Variants in PHACTR3 observed in about 807,000 individuals in gnomAD.
PHACTR3 encodes the protein protein phosphatase 1, regulatory subunit 123.
A neutral mutation model predicts 66.8 loss-of-function variants in PHACTR3; 16 were observed. That is an observed-to-expected ratio of 0.24 (90% CI 0.16 to 0.36). The LOEUF is 0.36. Among genes scored for constraint, PHACTR3 ranks in the 10% least tolerant of loss-of-function variants. PHACTR3 has a pLI of 1.00. For synonymous variants in PHACTR3, 323 were observed against 292.1 expected (o/e 1.11, Z -1.08); for missense variants, 647 against 719.9 (o/e 0.90, Z 1.16).
chr20:59,824,714 C>T (rs577281158), intron 8 of PHACTR3, among the ~76,000 whole-genome samples: 7 of 152,330 alleles, frequency 4.6e-5, no homozygotes, highest in Admixed American at 4.6e-4. Context: ...AGAATATATG[C>T]ATCTGTCATT....
chr20:59,840,920 A>C (rs1457241397), intron 10 of PHACTR3, among the ~76,000 whole-genome samples: 2 of 152,188 alleles, frequency 1.3e-5, no homozygotes, highest in South Asian at 4.1e-4. Context: ...CAACTCTATA[A>C]ATCTTAATCT....
chr20:59,720,823 G>A (rs986441241), intron 1 of PHACTR3, among the ~76,000 whole-genome samples: 2 of 152,158 alleles, frequency 1.3e-5, no homozygotes, highest in Admixed American at 6.5e-5. Flanking sequence ...ATTTGCTTTC[G>A]GAAGGGAACA....
intron 1 of PHACTR3, among the ~76,000 whole-genome samples, chr20:59,630,954 A>C (rs954774946): frequency 1.3e-5 from 2 of 152,150 alleles, no homozygotes; most frequent in African/African-American, 2.4e-5. Flanking sequence ...TAAAACGTTC[A>C]TGAAGAAGGG....
intron 3 of PHACTR3, among the ~76,000 whole-genome samples, chr20:59,754,279 C>G (rs557088555): frequency 6.6e-6 from 1 of 152,206 alleles, no homozygotes; most frequent in Non-Finnish European, 1.5e-5. Context: ...CTGCAGCAGC[C>G]GAGCTTCAAG....
At chr20:59,816,250 T>C (rs1042743532) in intron 8 of PHACTR3, among the ~76,000 whole-genome samples, 2 of 152,260 alleles carry the variant, frequency 1.3e-5, no homozygotes, top group Non-Finnish European at 2.9e-5. Flanking sequence ...GCTGCTGATC[T>C]GACAGGAGGT....
At chr20:59,754,016 G>T (rs1325259860) in intron 3 of PHACTR3, among the ~76,000 whole-genome samples, 3 of 152,230 alleles carry the variant, frequency 2.0e-5, no homozygotes, top group African/African-American at 7.2e-5. Flanking sequence ...ACATGTGCAG[G>T]TCACACTGCC....
chr20:59,671,956 T>C (rs2036208546), intron 1 of PHACTR3, among the ~76,000 whole-genome samples: 1 of 152,250 alleles, frequency 6.6e-6, no homozygotes, highest in African/African-American at 2.4e-5. Context: ...GCATGAGGAA[T>C]GTGCTGAAAG....
chr20:59,740,133 T>C (rs2039098424), intron 1 of PHACTR3, among the ~76,000 whole-genome samples: 1 of 152,168 alleles, frequency 6.6e-6, no homozygotes, highest in Non-Finnish European at 1.5e-5. Context: ...GCTCATATCA[T>C]AGAAATTATT....
chr20:59,600,387 G>C (rs1212754623), upstream of PHACTR3, among the ~76,000 whole-genome samples: 1 of 152,204 alleles, frequency 6.6e-6, no homozygotes, highest in Non-Finnish European at 1.5e-5. Flanking sequence ...TCCTGGCAAA[G>C]TGACTGTTTG....
At chr20:59,739,430 T>C (rs539653093) in intron 1 of PHACTR3, among the ~76,000 whole-genome samples, 11 of 152,232 alleles carry the variant, frequency 7.2e-5, no homozygotes, top group African/African-American at 2.4e-4. Context: ...AGAAAGAAGT[T>C]TAATTGGCTC....
chr20:59,644,359 T>C (rs1015069615), intron 1 of PHACTR3, among the ~76,000 whole-genome samples: 1 of 152,230 alleles, frequency 6.6e-6, no homozygotes, highest in Non-Finnish European at 1.5e-5. Flanking sequence ...AAACAACAGA[T>C]ATAAAAAGAT....
chr20:59,713,917 C>T (rs530172383), intron 1 of PHACTR3, among the ~76,000 whole-genome samples: 7 of 152,236 alleles, frequency 4.6e-5, no homozygotes, highest in East Asian at 1.9e-4. Context: ...ACCCTTGATA[C>T]TGTCAGCTTT....
At chr20:59,845,808 G>A (rs1379151868) in intron 12 of PHACTR3, among the ~76,000 whole-genome samples, 1 of 152,120 alleles carries the variant, frequency 6.6e-6, no homozygotes, top group African/African-American at 2.4e-5. Context: ...TGGAGTTTAT[G>A]TCCCATTGGG....
chr20:59,603,817 T>C (rs1403005600), upstream of PHACTR3: 2 of 152,992 alleles, frequency 1.3e-5, no homozygotes, highest in East Asian at 3.8e-4. Context: ...CACCCCCGTC[T>C]CTACCCCTTT....
chr20:59,802,760 C>T (rs560387032), intron 7 of PHACTR3, among the ~76,000 whole-genome samples: 55 of 152,342 alleles, frequency 3.6e-4, no homozygotes, highest in African/African-American at 9.6e-4. Context: ...GTGATTGGAA[C>T]GATGCCCCCG....
intron 1 of PHACTR3, among the ~76,000 whole-genome samples, chr20:59,670,611 G>GGC (rs1555810023): frequency 7.3e-6 from 1 of 136,604 alleles, no homozygotes; most frequent in African/African-American, 2.6e-5. Flanking sequence ...GGGGTGGGGG[G>GGC]GGGGGGCAGG....
At chr20:59,621,848 G>T (rs908146947) in intron 1 of PHACTR3, among the ~76,000 whole-genome samples, 5 of 152,202 alleles carry the variant, frequency 3.3e-5, no homozygotes, top group African/African-American at 1.2e-4. Flanking sequence ...CACTTAATTT[G>T]TCTTTCCTCT....
chr20:59,588,661 G>A (rs1193352857), intron 1 of PHACTR3, among the ~76,000 whole-genome samples: 1 of 151,930 alleles, frequency 6.6e-6, no homozygotes, highest in East Asian at 1.9e-4. Flanking sequence ...ACCCCTGGCT[G>A]CTTCTCAGCC....
At chr20:59,675,697 C>T (rs532978767) in intron 1 of PHACTR3, among the ~76,000 whole-genome samples, 112 of 152,238 alleles carry the variant, frequency 7.4e-4, no homozygotes, top group Admixed American at 8.5e-4. Context: ...GTGCTTCTGG[C>T]CTCTGGCATG....
Sources: gnomAD v4.1 joint callset for allele counts (sites outside exome capture counted in the v4.1 genomes callset) on GRCh38, gnomAD v4.1.1 for gene constraint, MANE v1.5 for transcripts, NCBI Gene and HGNC (gene_info 2026-07-23, HGNC 2026-07-21) for gene names.